The following MAP3K4 variants were observed in gnomAD, a reference collection of about 807,000 sequenced individuals.
The protein encoded by MAP3K4 is mitogen-activated protein kinase kinase kinase 4.
A neutral mutation model predicts 185.6 loss-of-function variants in MAP3K4; 67 were observed. The observed-to-expected ratio is 0.36, with a 90% CI of 0.30 to 0.44. The LOEUF is 0.44. Among genes scored for constraint, MAP3K4 ranks in the 20% least tolerant of loss-of-function variants. MAP3K4 has a pLI of 1.00. For missense variants in MAP3K4, 1,551 were observed against 1,995.1 expected, an observed-to-expected ratio of 0.78 and a Z score of 4.24; for synonymous variants, 702 against 710.4, an observed-to-expected ratio of 0.99 and a Z score of 0.19.
In MAP3K4 at chr6:161,071,225, G is replaced by T. The variant is rs1784927150; in HGVS notation, c.1950+375G>T. On this transcript the variant is annotated intron_variant, in intron 4 of 26. Transcript: ENST00000392142. This position sits in a 1 kb window ranked among gnomAD's most constrained non-coding sequence, Gnocchi z 4.6. ...AATGTCTAGAATAGGCATGGGGAGGGGTTTGGACTTTCTGCTTGCTTAAGC... is the reference window on the plus strand; with the variant it reads ...AATGTCTAGAATAGGCATGGGGAGGTGTTTGGACTTTCTGCTTGCTTAAGC... Among the ~76,000 whole-genome samples, 1 of 152,024 alleles carries T rather than the reference G, an allele frequency of 6.6e-6. No individual in the cohort carries two copies.
In MAP3K4 at chr6:161,112,226, C is replaced by G. The variant is rs1562549989; in HGVS notation, c.4519+268C>G. 6.6e-6 allele frequency among the ~76,000 whole-genome samples: 1 copy of G among 152,076 alleles called. No homozygotes were observed. Among genetic ancestry groups the G allele is most frequent in the Non-Finnish European group, 1.5e-5 (1 of 68,004 alleles). Reference sequence around the variant, plus strand: ...CTCTTTTGTTGTTTGCATTGTTTTTCTTAAAACTTAAAAAATGTAGACATT... The same window carrying G: ...CTCTTTTGTTGTTTGCATTGTTTTTGTTAAAACTTAAAAAATGTAGACATT... On this transcript the variant is annotated intron_variant, in intron 24 of 26. Coordinates refer to ENST00000392142, the MANE Select transcript of MAP3K4 (RefSeq NM_005922.4). The surrounding 1 kb of genome is among the most constrained non-coding windows in gnomAD (Gnocchi z 5.1).
intron 1 of MAP3K4, among the ~76,000 whole-genome samples, chr6:160,999,719 A>C (rs7760617): frequency 1.2e-4 from 19 of 152,136 alleles, no homozygotes; most frequent in African/African-American, 4.1e-4. Context: ...TCAAGGTCCA[A>C]AGCCAAGGTG....
Position 161,109,100 on chromosome 6 carries a change from C to T in MAP3K4, c.4236+241C>T. 3.3e-6 allele frequency: 4 copies of T among 1,217,324 alleles called. No individual in the cohort carries two copies. The highest frequency in any genetic ancestry group is 1.5e-5 in the African/African-American group (1 of 66,744). 75.4% of individuals were successfully genotyped at this position (1,217,324 alleles called of 1,614,324 possible). On this transcript the variant is annotated intron_variant, in intron 22 of 26. Coordinates refer to ENST00000392142, the MANE Select transcript of MAP3K4 (RefSeq NM_005922.4). The surrounding 1 kb of genome is among the most constrained non-coding windows in gnomAD (Gnocchi z 5.7). ...CATAAAGCACTGAAACCCATCCTGC[C>T]ATTCAGAAGATTCTTCTAAAACGCC...
intron 2 of MAP3K4, among the ~76,000 whole-genome samples, chr6:161,041,897 C>G (rs575975631): frequency 6.9e-6 from 1 of 145,428 alleles, no homozygotes; most frequent in African/African-American, 2.6e-5. Flanking sequence ...GGGTAAAGGC[C>G]TTGAGTTATT....
Position 161,084,564 on chromosome 6 carries a change from C to G in MAP3K4, c.2319C>G (p.Ser773Arg), listed in dbSNP as rs1485631132. Residue 773 changes from serine to arginine, a missense_variant, in exon 7 of 27, where the codon AGC becomes AGG. By Grantham distance (110) the Ser-to-Arg change is moderately radical. Coordinates refer to ENST00000392142, the MANE Select transcript of MAP3K4 (RefSeq NM_005922.4). The surrounding 1 kb of genome is among the most constrained non-coding windows in gnomAD (Gnocchi z 4.6). Reference sequence around the variant, plus strand: ...TTTTAGAATTTGGCTTACAGGAGAGCTGTGCTGAATTTTGGACTAGTGCGG... The same window carrying G: ...TTTTAGAATTTGGCTTACAGGAGAGGTGTGCTGAATTTTGGACTAGTGCGG... The part of the protein sequence containing the change: ...GSFLEFGLQE[S>R]CAEFWTSADD... 6.2e-7 allele frequency: 1 copy of G among 1,613,120 alleles called. No homozygotes were observed.
intron 5 of MAP3K4, among the ~76,000 whole-genome samples, chr6:161,079,946 G>C (rs1785368662): frequency 6.6e-6 from 1 of 152,280 alleles, no homozygotes; most frequent in Non-Finnish European, 1.5e-5. Context: ...GATGTAGCCT[G>C]GTGAAAACAC....
At chr6:161,099,805 G>A (rs1464780) in intron 17 of MAP3K4, among the ~76,000 whole-genome samples, 147,147 of 152,308 alleles carry the variant, frequency 0.97, 71,118 homozygotes, top group East Asian at 1. Context: ...GTAAGTTGGT[G>A]GTGTGGTACA....
At chr6:161,041,851 A>G (rs1050618874) in intron 2 of MAP3K4, among the ~76,000 whole-genome samples, 3 of 151,628 alleles carry the variant, frequency 2.0e-5, no homozygotes, top group Admixed American at 6.6e-5. Flanking sequence ...GAAGGTGGAC[A>G]GACTCCAACC....
Position 161,109,157 on chromosome 6 carries a change from T to A in MAP3K4, c.4236+298T>A. 4 of 620,148 alleles carry A rather than the reference T, an allele frequency of 6.5e-6. No homozygotes were observed. The highest frequency in any genetic ancestry group is 4.7e-4 in the Middle Eastern group (1 of 2,116). 38.4% of individuals were successfully genotyped at this position (620,148 alleles called of 1,614,324 possible). A position where few individuals can be genotyped will look rare whatever the true frequency, so the allele number is the denominator to read the frequency against. On this transcript the variant is annotated intron_variant, in intron 22 of 26. Transcript: ENST00000392142. This position sits in a 1 kb window ranked among gnomAD's most constrained non-coding sequence, Gnocchi z 5.7. ...ACCACTTCTTGTGACTTTTTTTCCG[T>A]TTTTTTGCTGAACCACTGTTGAGTA... is the stretch of plus-strand genomic sequence containing the variant.
chr6:161,028,970 C>T (rs1447685069), intron 1 of MAP3K4, among the ~76,000 whole-genome samples: 1 of 152,184 alleles, frequency 6.6e-6, no homozygotes, highest in Non-Finnish European at 1.5e-5. Flanking sequence ...CAACCTCAAA[C>T]TGAGCTTAGC....
At position 161,101,918 on chromosome 6, in the gene MAP3K4, G is replaced by A. The variant is rs971378102; in HGVS notation, c.3701G>A (p.Arg1234Gln). The change falls in exon 18 of 27, where the codon CGA becomes CAA. Residue 1234 changes from arginine to glutamine, a missense_variant. Physicochemically the swap from Arg to Gln is conservative, Grantham distance 43. Transcript: ENST00000392142. This position sits in a 1 kb window ranked among gnomAD's most constrained non-coding sequence, Gnocchi z 5.1. ...GGTTCCAGCGTTCCTGAAAATGATCGATTGGCTTCCATAGCTGCTGAATTG... is the reference window on the plus strand; with the variant it reads ...GGTTCCAGCGTTCCTGAAAATGATCAATTGGCTTCCATAGCTGCTGAATTG... ...TRGSSVPEND[R>Q]LASIAAELQF... The A allele has an allele frequency of 3.7e-6, 6 of 1,614,012 alleles. No individual in the cohort carries two copies. The highest frequency in any genetic ancestry group is 5.1e-6 in the Non-Finnish European group (6 of 1,179,924).
In MAP3K4 at chr6:161,074,018, T is replaced by G. The variant is rs1008195469; in HGVS notation, c.2097+406T>G. On this transcript the variant is annotated intron_variant, in intron 5 of 26. Coordinates refer to ENST00000392142, the MANE Select transcript of MAP3K4 (RefSeq NM_005922.4). The surrounding 1 kb of genome is among the most constrained non-coding windows in gnomAD (Gnocchi z 5.0). ...TAGTGAACCGTCTGTCATCAGCCATTTTTATAATACCTAGGATGTGCTAGG... is the reference window on the plus strand; with the variant it reads ...TAGTGAACCGTCTGTCATCAGCCATGTTTATAATACCTAGGATGTGCTAGG... Among the ~76,000 whole-genome samples the G allele has an allele frequency of 1.3e-5, 2 of 152,186 alleles. No individual in the cohort carries two copies. Among genetic ancestry groups the G allele is most frequent in the Non-Finnish European group, 2.9e-5 (2 of 68,038 alleles).
chr6:161,059,013 A>G (rs1784370857), intron 3 of MAP3K4, among the ~76,000 whole-genome samples: 5 of 152,132 alleles, frequency 3.3e-5, no homozygotes, highest in Admixed American at 3.3e-4. Flanking sequence ...CACATCTTTG[A>G]TATGTATTGC....
chr6:161,013,575 A>G (rs1473920338), intron 1 of MAP3K4, among the ~76,000 whole-genome samples: 1 of 152,170 alleles, frequency 6.6e-6, no homozygotes, highest in Non-Finnish European at 1.5e-5. Context: ...AGTGAGGTTT[A>G]GCCCATGAGG....
At chr6:161,014,510 C>A (rs974424486) in intron 1 of MAP3K4, among the ~76,000 whole-genome samples, 6 of 152,170 alleles carry the variant, frequency 3.9e-5, no homozygotes, top group African/African-American at 1.4e-4. Context: ...CATATAGTTT[C>A]CAAATTTAGT....
intron 25 of MAP3K4, among the ~76,000 whole-genome samples, chr6:161,113,577 C>G (rs1291854657): frequency 5.3e-5 from 8 of 152,024 alleles, no homozygotes; most frequent in Middle Eastern, 3.2e-3. Flanking sequence ...ATGGAGCACA[C>G]TAACGCGAAC....
rs533233709 is a variant in MAP3K4 at position 161,107,053 on chromosome 6, C to T, written c.4048+348C>T. On this transcript the variant is annotated intron_variant, in intron 20 of 26. Coordinates refer to ENST00000392142, the MANE Select transcript of MAP3K4 (RefSeq NM_005922.4). The surrounding 1 kb of genome is among the most constrained non-coding windows in gnomAD (Gnocchi z 6.2). ...CTCTCTCTCTACACACGCGCGCGCA[C>T]ACACACACACACACACACACACACA... is the stretch of plus-strand genomic sequence containing the variant. Among the ~76,000 whole-genome samples, 1 of 110,386 alleles carries T rather than the reference C, an allele frequency of 9.1e-6. No homozygotes were observed. The highest frequency in any genetic ancestry group is 3.6e-5 in the African/African-American group (1 of 27,740). The allele number at this position is 110,386 out of a possible 152,430, so 72.4% of individuals were successfully genotyped here. A position where few individuals can be genotyped will look rare whatever the true frequency, so the allele number is the denominator to read the frequency against.
At chr6:160,993,422 A>G (rs974678218) in intron 1 of MAP3K4, among the ~76,000 whole-genome samples, 3 of 152,200 alleles carry the variant, frequency 2.0e-5, no homozygotes, top group South Asian at 2.1e-4. Flanking sequence ...CTTTATTTCT[A>G]TTAACCCATT....
chr6:161,062,487 T>C (rs1263325071), intron 3 of MAP3K4, among the ~76,000 whole-genome samples: 2 of 152,304 alleles, frequency 1.3e-5, no homozygotes, highest in South Asian at 4.2e-4. Context: ...TATATCCCAG[T>C]CTCTTGAGTC....
Sources: allele counts gnomAD v4.1 joint callset (sites outside exome capture counted in the v4.1 genomes callset), GRCh38; gene constraint gnomAD v4.1.1; non-coding constraint Gnocchi (gnomAD v3.1); transcripts MANE v1.5; gene names NCBI Gene and HGNC (gene_info 2026-07-23, HGNC 2026-07-21).